PLA2R1: variants seen among roughly 807,000 people sequenced by gnomAD.
PLA2R1 encodes the protein secretory phospholipase A2 receptor.
Under a neutral mutation model 195.9 loss-of-function variants are expected in PLA2R1, and 158 were observed. The ratio of observed to expected loss-of-function variants is 0.81; its 90% CI spans 0.71 to 0.92. The LOEUF (loss-of-function observed/expected upper bound fraction) is 0.92, where lower values mean the gene tolerates loss of function less well. Ranked by LOEUF, PLA2R1 falls within the 40% of genes least tolerant of loss-of-function variation. The pLI is 0.00. For missense variants in PLA2R1, 1,626 were observed against 1,764.6 expected (o/e 0.92, Z 1.41); for synonymous variants, 586 against 598.2 (o/e 0.98, Z 0.30).
intron 14 of PLA2R1, among the ~76,000 whole-genome samples, chr2:159,979,314 A>G (rs1456062852): frequency 6.6e-6 from 1 of 152,204 alleles, no homozygotes; most frequent in Non-Finnish European, 1.5e-5. Flanking sequence ...AAGTATGGGA[A>G]TGAATGAAAA....
At chr2:159,962,893 G>T (rs1438020114) in intron 20 of PLA2R1, among the ~76,000 whole-genome samples, 1 of 152,008 alleles carries the variant, frequency 6.6e-6, no homozygotes, top group Non-Finnish European at 1.5e-5. Context: ...GGGACTGGGG[G>T]CCTAGGGGAG....
rs746650990 is a variant in PLA2R1 at position 159,937,706 on chromosome 2, G to A, written c.*4072C>T. On this transcript the variant is annotated 3_prime_UTR_variant, in exon 30 of 30. Coordinates refer to ENST00000283243, the MANE Select transcript of PLA2R1 (RefSeq NM_007366.5). The stretch of plus-strand genomic sequence containing the variant: ...CAGTGGATGAGATAAATTTTCAAAT[G>A]AAAGTAGCACTCCAGCTGTTCCACT... The A allele has an allele frequency of 1.3e-5, 2 of 152,210 alleles. No individual in the cohort carries two copies. The highest frequency in any genetic ancestry group is 1.3e-4 in the Admixed American group (2 of 15,284). The allele number at this position is 152,210 out of a possible 1,614,324, so 9.4% of individuals were successfully genotyped here. A position where few individuals can be genotyped will look rare whatever the true frequency, so the allele number is the denominator to read the frequency against.
intron 23 of PLA2R1, among the ~76,000 whole-genome samples, chr2:159,953,848 C>G (rs1045024451): frequency 6.6e-6 from 1 of 152,130 alleles, no homozygotes; most frequent in African/African-American, 2.4e-5. Flanking sequence ...GTTTTGTTTT[C>G]CTGGAGACAG....
downstream of PLA2R1, among the ~76,000 whole-genome samples, chr2:159,929,852 T>TTGTG (rs749572220): frequency 8.8e-4 from 130 of 147,722 alleles, no homozygotes; most frequent in Middle Eastern, 0.052. Context: ...TATTATATAT[T>TTGTG]TGTGTGTGTG....
At chr2:159,951,775 A>G (rs1022677044) in intron 23 of PLA2R1, among the ~76,000 whole-genome samples, 197 bp from the exon 24 acceptor site, 7 of 152,220 alleles carry the variant, frequency 4.6e-5, no homozygotes, top group African/African-American at 1.7e-4. Context: ...AAATTTAATG[A>G]ATTGTTTTTC....
intron 9 of PLA2R1, among the ~76,000 whole-genome samples, chr2:160,016,124 C>T (rs538844002): frequency 6.6e-6 from 1 of 152,006 alleles, no homozygotes; most frequent in East Asian, 1.9e-4. Flanking sequence ...ATTAGCCAGG[C>T]GTAGTGGCGC....
At chr2:159,930,010 A>T (rs2125898225), downstream of PLA2R1, among the ~76,000 whole-genome samples, 1 of 152,196 alleles carries the variant, frequency 6.6e-6, no homozygotes, top group South Asian at 2.1e-4. Flanking sequence ...GTATGTTCTC[A>T]CTCATAAGTG....
chr2:160,060,870 T>C (rs1574001647), intron 1 of PLA2R1, among the ~76,000 whole-genome samples: 1 of 152,306 alleles, frequency 6.6e-6, no homozygotes. Context: ...AACCACTGCA[T>C]GGTAAACTTA....
In PLA2R1 at chr2:160,045,097, G is replaced by T; in HGVS notation, c.170C>A (p.Ser57Ter). ...SLKKCIQAGK[S>*]VLTLENCKQA... Reference sequence around the variant, plus strand: ...CTTGCAGTTCTCCAGGGTCAGAACCGATTTACCTGCTTGAATGCATTTCTT... The same window carrying T: ...CTTGCAGTTCTCCAGGGTCAGAACCTATTTACCTGCTTGAATGCATTTCTT... Residue 57 changes from serine to a stop codon, truncating the protein, a stop_gained, in exon 2 of 30, where the codon TCG (serine) becomes TAG (stop). Coordinates refer to ENST00000283243, the MANE Select transcript of PLA2R1 (RefSeq NM_007366.5). LOFTEE classifies it high-confidence loss of function. 2 of 1,612,674 alleles carry T rather than the reference G, an allele frequency of 1.2e-6. No individual in the cohort carries two copies. Among genetic ancestry groups the T allele is most frequent in the Non-Finnish European group, 1.7e-6 (2 of 1,178,746 alleles).
At chr2:160,029,923 G>A (rs976995422) in intron 4 of PLA2R1, among the ~76,000 whole-genome samples, 2 of 152,214 alleles carry the variant, frequency 1.3e-5, no homozygotes, top group African/African-American at 2.4e-5. Context: ...TTAGTCAGAC[G>A]CAGGGGTCCT....
At chr2:159,985,249 T>C (rs947884323) in intron 12 of PLA2R1, among the ~76,000 whole-genome samples, 1 of 152,234 alleles carries the variant, frequency 6.6e-6, no homozygotes, top group African/African-American at 2.4e-5. Flanking sequence ...ATTCTATGAA[T>C]GTAATGTAGG....
chr2:159,987,361 A>G lies in PLA2R1; in HGVS notation c.1835-3T>C, dbSNP rs764683867. On this transcript the variant is annotated splice_polypyrimidine_tract_variant and splice_region_variant and intron_variant, in intron 11 of 29. Coordinates refer to ENST00000283243, the MANE Select transcript of PLA2R1 (RefSeq NM_007366.5). Reference sequence around the variant, plus strand: ...GGCAACACAGCCACCACTGTAGCCTAAAAGCAGAAAACAAGCATTTTTAAT... The same window carrying G: ...GGCAACACAGCCACCACTGTAGCCTGAAAGCAGAAAACAAGCATTTTTAAT... The G allele has an allele frequency of 9.0e-5, 144 of 1,605,446 alleles. No homozygotes were observed. In the East Asian group the frequency reaches 2.9e-3, roughly 32 times the overall value.
At chr2:160,006,234 ATAT>A (rs1190216469) in intron 10 of PLA2R1, among the ~76,000 whole-genome samples, 1 of 152,204 alleles carries the variant, frequency 6.6e-6, no homozygotes, top group Non-Finnish European at 1.5e-5. Context: ...AGGAGGAAAG[ATAT>A]TATGCTTTTC....
intron 13 of PLA2R1, among the ~76,000 whole-genome samples, chr2:159,982,794 G>A (rs1690047491): frequency 1.3e-5 from 2 of 152,196 alleles, no homozygotes; most frequent in Admixed American, 1.3e-4. Flanking sequence ...CTGGGATTCA[G>A]GCCAGTGTTT....
intron 11 of PLA2R1, among the ~76,000 whole-genome samples, chr2:160,004,350 C>T (rs553741253): frequency 3.9e-5 from 6 of 152,286 alleles, no homozygotes; most frequent in Admixed American, 1.3e-4. Context: ...TTTTAAAAAT[C>T]GGTGGAGCTT....
chr2:160,029,955 G>A (rs928981615), intron 4 of PLA2R1, among the ~76,000 whole-genome samples: 21 of 152,152 alleles, frequency 1.4e-4, no homozygotes, highest in African/African-American at 4.3e-4. Flanking sequence ...AGACCCTGAC[G>A]GATAAGGGTT....
At chr2:160,055,139 G>A (rs936374674) in intron 1 of PLA2R1, among the ~76,000 whole-genome samples, 1 of 152,194 alleles carries the variant, frequency 6.6e-6, no homozygotes, top group Non-Finnish European at 1.5e-5. Flanking sequence ...AAAAGAGTTA[G>A]AGGCTTAACA....
chr2:160,007,016 G>T (rs1692029112), intron 10 of PLA2R1, among the ~76,000 whole-genome samples: 1 of 152,188 alleles, frequency 6.6e-6, no homozygotes, highest in African/African-American at 2.4e-5. Flanking sequence ...CTTTGCAGGG[G>T]ATATGGATTT....
downstream of PLA2R1, among the ~76,000 whole-genome samples, chr2:159,931,616 C>G (rs1686590911): frequency 6.6e-6 from 1 of 152,144 alleles, no homozygotes; most frequent in Non-Finnish European, 1.5e-5. Flanking sequence ...TGCAGTGGTG[C>G]AATCACAGCT....
Sources: gnomAD v4.1 joint callset for allele counts (sites outside exome capture counted in the v4.1 genomes callset) on GRCh38, gnomAD v4.1.1 for gene constraint, MANE v1.5 for transcripts, NCBI Gene and HGNC (gene_info 2026-07-23, HGNC 2026-07-21) for gene names.